Variants in PAPPA2 observed in about 807,000 individuals in gnomAD.
PAPPA2 encodes the protein pappalysin 2, also known as pappalysin-2.
PAPPA2 carries 86 observed loss-of-function variants against 176.4 expected under a neutral mutation model. The observed-to-expected ratio is 0.49, with a 90% CI of 0.41 to 0.58. PAPPA2 has a LOEUF of 0.58. Ranked by LOEUF, PAPPA2 falls within the 20% of genes least tolerant of loss-of-function variation. The pLI, the probability that PAPPA2 is intolerant of heterozygous loss-of-function variation, is 0.00. For synonymous variants in PAPPA2, 809 were observed against 852.2 expected (o/e 0.95, Z 0.88); for missense variants, 2,073 against 2,256.9 (o/e 0.92, Z 1.65).
intron 1 of PAPPA2, among the ~76,000 whole-genome samples, chr1:176,482,328 TA>T (rs1652443699): frequency 1.3e-5 from 2 of 152,228 alleles, no homozygotes. Flanking sequence ...GAGTTTGATA[TA>T]GTGGCAAGTA....
At chr1:176,772,850 CT>C (rs547059116) in intron 17 of PAPPA2, among the ~76,000 whole-genome samples, 2 of 152,240 alleles carry the variant, frequency 1.3e-5, no homozygotes, top group African/African-American at 2.4e-5. Flanking sequence ...TGTTTTCTTG[CT>C]TTTTTTCTCT....
intron 21 of PAPPA2, among the ~76,000 whole-genome samples, chr1:176,827,650 G>A (rs1571386520): frequency 6.6e-6 from 1 of 152,040 alleles, no homozygotes; most frequent in South Asian, 2.1e-4. Context: ...ATGGTCTTAG[G>A]TGCAGTTCAG....
chr1:176,623,050 C>G (rs905736013), intron 3 of PAPPA2, among the ~76,000 whole-genome samples: 2 of 152,192 alleles, frequency 1.3e-5, no homozygotes, highest in African/African-American at 4.8e-5. Context: ...AATCACTTCT[C>G]GAAAGCCCTA....
chr1:176,785,329 C>T (rs1664888853), intron 17 of PAPPA2, among the ~76,000 whole-genome samples: 2 of 152,050 alleles, frequency 1.3e-5, no homozygotes, highest in South Asian at 4.2e-4. Flanking sequence ...CACTATTGGG[C>T]CCCGAGATAC....
At chr1:176,616,443 G>A in intron 3 of PAPPA2, 2 of 660,526 alleles carry the variant, frequency 3.0e-6, no homozygotes, top group Non-Finnish European at 5.6e-6. Context: ...TGATGCTAGG[G>A]CAACAAGTAC....
chr1:176,618,984 A>G (rs1262451607), intron 3 of PAPPA2, among the ~76,000 whole-genome samples: 2 of 152,188 alleles, frequency 1.3e-5, no homozygotes, highest in African/African-American at 4.8e-5. Flanking sequence ...TTGGGTCATC[A>G]ATAGGATAGC....
At chr1:176,744,160 G>A (rs1219536367) in intron 14 of PAPPA2, among the ~76,000 whole-genome samples, 1 of 152,008 alleles carries the variant, frequency 6.6e-6, no homozygotes, top group East Asian at 1.9e-4. Context: ...TTTTTTGTGA[G>A]CCTTTTATCT....
chr1:176,795,104 C>T (rs1665368677), intron 20 of PAPPA2, among the ~76,000 whole-genome samples: 1 of 152,234 alleles, frequency 6.6e-6, no homozygotes, highest in Non-Finnish European at 1.5e-5. Flanking sequence ...ACAGACACTC[C>T]TGTTGTCCAA....
chr1:176,541,511 C>A (rs1459046277), intron 1 of PAPPA2, among the ~76,000 whole-genome samples: 1 of 152,186 alleles, frequency 6.6e-6, no homozygotes, highest in African/African-American at 2.4e-5. Context: ...TCACCCCTAG[C>A]ATCCTTGGGC....
At chr1:176,655,998 T>C (rs939224780) in intron 3 of PAPPA2, among the ~76,000 whole-genome samples, 3 of 151,846 alleles carry the variant, frequency 2.0e-5, no homozygotes, top group African/African-American at 7.2e-5. Flanking sequence ...AAACATTTAA[T>C]TTTTAAAATA....
At chr1:176,510,039 C>T (rs1648496612) in intron 1 of PAPPA2, among the ~76,000 whole-genome samples, 1 of 151,610 alleles carries the variant, frequency 6.6e-6, no homozygotes, top group Admixed American at 6.6e-5. Flanking sequence ...GTCTCAAAAA[C>T]AACGACAAAT....
rs545838186 is a variant in PAPPA2 at position 176,513,426 on chromosome 1, G to A, written c.-916-41981G>A. ...CTTTCTTAAATTGTTTCAAAGAGAA[G>A]AGTCTACCTCTCCTTCTCTTTTGCC... is the stretch of plus-strand genomic sequence containing the variant. On this transcript the variant is annotated intron_variant, in intron 1 of 22. Coordinates refer to ENST00000367662, the MANE Select transcript of PAPPA2 (RefSeq NM_020318.3). 4.6e-5 allele frequency among the ~76,000 whole-genome samples: 7 copies of A among 152,088 alleles called. No individual in the cohort carries two copies. In the East Asian group the frequency reaches 1.4e-3, roughly 29 times the overall value.
chr1:176,559,716 C>A (rs1197257980), intron 2 of PAPPA2, among the ~76,000 whole-genome samples: 1 of 152,210 alleles, frequency 6.6e-6, no homozygotes, highest in East Asian at 1.9e-4. Context: ...ACAATAGAAT[C>A]ATGTCCCTGG....
intron 1 of PAPPA2, among the ~76,000 whole-genome samples, chr1:176,516,863 A>G (rs1004909344): frequency 1.3e-5 from 2 of 152,214 alleles, no homozygotes; most frequent in Non-Finnish European, 1.5e-5. Context: ...CAAAGATCCT[A>G]TGTAGGTGAA....
At chr1:176,467,404 T>C (rs960825570) in intron 1 of PAPPA2, among the ~76,000 whole-genome samples, 1 of 152,224 alleles carries the variant, frequency 6.6e-6, no homozygotes, top group African/African-American at 2.4e-5. Context: ...AGTGTTGGCA[T>C]GTTGCATTTG....
At chr1:176,614,409 C>A (rs1233031660) in intron 3 of PAPPA2, among the ~76,000 whole-genome samples, 6 of 152,112 alleles carry the variant, frequency 3.9e-5, no homozygotes, top group African/African-American at 1.4e-4. Context: ...TGCTTGAAGC[C>A]TATTAAATGT....
At chr1:176,671,209 G>C in intron 4 of PAPPA2, 94 bp downstream of exon 4, 1 of 1,510,130 alleles carries the variant, frequency 6.6e-7, no homozygotes, top group Non-Finnish European at 8.9e-7. Context: ...GAAAGACAGA[G>C]AAAAAGTGAA....
intron 1 of PAPPA2, among the ~76,000 whole-genome samples, chr1:176,507,573 T>C (rs573042217): frequency 6.6e-6 from 1 of 152,274 alleles, no homozygotes; most frequent in South Asian, 2.1e-4. Context: ...GAAAATCTAG[T>C]ACATATACAT....
chr1:176,643,808 C>T (rs1573183798), intron 3 of PAPPA2, among the ~76,000 whole-genome samples: 4 of 151,748 alleles, frequency 2.6e-5, no homozygotes, highest in Middle Eastern at 3.4e-3. Context: ...TTGTGTTGGG[C>T]GGAAGAGGGG....
Sources: gnomAD v4.1 joint callset for allele counts (sites outside exome capture counted in the v4.1 genomes callset) on GRCh38, gnomAD v4.1.1 for gene constraint, MANE v1.5 for transcripts, NCBI Gene and HGNC (gene_info 2026-07-23, HGNC 2026-07-21) for gene names.